Variants in ADGRA3 observed in about 807,000 individuals in gnomAD.
ADGRA3 encodes the protein G-protein coupled receptor 125.
In ADGRA3, 56 loss-of-function variants were observed where a neutral mutation model predicts 119.8. The observed-to-expected ratio is 0.47, with a 90% CI of 0.38 to 0.58. The LOEUF is 0.58. ADGRA3 is among the 20% of genes least tolerant of loss of function. ADGRA3 has a pLI of 0.00. For missense variants in ADGRA3, 1,516 were observed against 1,649.0 expected (o/e 0.92, Z 1.40); for synonymous variants, 607 against 623.8 (o/e 0.97, Z 0.40).
At position 22,390,373 on chromosome 4, in the gene ADGRA3, TATATATA is replaced by T. The variant is rs2108992139; in HGVS notation, c.2628-1197_2628-1191del. On this transcript the variant is annotated intron_variant, in intron 17 of 18. Transcript: ENST00000334304. Reference sequence around the variant, plus strand: ...TTATATATATATAATACGTATTATATATATATAATACGTATTATATATATATATAAAA... The same window carrying T: ...TTATATATATATAATACGTATTATATATACGTATTATATATATATATAAAA... 9.6e-5 allele frequency among the ~76,000 whole-genome samples: 3 copies of T among 31,304 alleles called. 1 individual carries two copies. The highest frequency in any genetic ancestry group is 1.5e-4 in the African/African-American group (3 of 20,294). 20.5% of individuals were successfully genotyped at this position (31,304 alleles called of 152,430 possible). A position where few individuals can be genotyped will look rare whatever the true frequency, so the allele number is the denominator to read the frequency against.
At chr4:22,469,555 C>A (rs2109114605) in intron 2 of ADGRA3, among the ~76,000 whole-genome samples, 1 of 152,300 alleles carries the variant, frequency 6.6e-6, no homozygotes, top group Admixed American at 6.5e-5. Context: ...GTAACTCTAG[C>A]CCAAACATAC....
intron 14 of ADGRA3, among the ~76,000 whole-genome samples, chr4:22,403,416 A>G (rs981159936): frequency 6.6e-6 from 1 of 152,010 alleles, no homozygotes; most frequent in African/African-American, 2.4e-5. Context: ...TTACGGCAGC[A>G]GAGAGGAAGA....
intron 7 of ADGRA3, among the ~76,000 whole-genome samples, chr4:22,441,347 C>A (rs563311844): frequency 6.6e-6 from 1 of 152,272 alleles, no homozygotes; most frequent in South Asian, 2.1e-4. Flanking sequence ...GCCAAGCTAA[C>A]TGCCTGACCA....
At position 22,403,400 on chromosome 4, in the gene ADGRA3, G is replaced by T. The variant is rs375851209; in HGVS notation, c.2233-601C>A. On this transcript the variant is annotated intron_variant, in intron 14 of 18. Transcript: ENST00000334304. ...ACAATGTTTGATGAAGATAAGTCAAGCACAATTACGGCAGCAGAGAGGAAG... is the reference window on the plus strand; with the variant it reads ...ACAATGTTTGATGAAGATAAGTCAATCACAATTACGGCAGCAGAGAGGAAG... Among the ~76,000 whole-genome samples the T allele has an allele frequency of 2.0e-3, 311 of 152,036 alleles. 3 individuals carry two copies. Among genetic ancestry groups the T allele is most frequent in the African/African-American group, 7.3e-3 (302 of 41,480 alleles).
rs1205798725 is a variant in ADGRA3, at chr4:22,516,061, G to GCCACTGCCT, written c.-278_-277insAGGCAGTGG. On this transcript the variant is annotated 5_prime_UTR_variant, in exon 1 of 19. Coordinates refer to ENST00000334304, the MANE Select transcript of ADGRA3 (RefSeq NM_145290.4). ...CTCCTCCTCTGCCGCCGCCGCCGCC[G>GCCACTGCCT]CCACTGCCTCCTCCCCTGGCCAGGA... 7.0e-5 allele frequency: 11 copies of GCCACTGCCT among 156,728 alleles called. No homozygotes were observed. Among genetic ancestry groups the GCCACTGCCT allele is most frequent in the African/African-American group, 2.4e-4 (10 of 41,052 alleles). 9.7% of individuals were successfully genotyped at this position (156,728 alleles called of 1,614,324 possible).
intron 5 of ADGRA3, among the ~76,000 whole-genome samples, chr4:22,446,908 GA>G (rs201005764): frequency 0.011 from 1,639 of 150,516 alleles, 16 homozygotes; most frequent in Non-Finnish European, 0.017. Context: ...AAAACTGGGG[GA>G]AAAAAAATCA....
chr4:22,417,861 A>G (rs1715490392), intron 12 of ADGRA3, among the ~76,000 whole-genome samples: 1 of 152,174 alleles, frequency 6.6e-6, no homozygotes, highest in African/African-American at 2.4e-5. Context: ...AAGCAAGAAG[A>G]TGCATAATGA....
At chr4:22,462,174 A>G (rs141300782) in intron 2 of ADGRA3, among the ~76,000 whole-genome samples, 37 of 152,326 alleles carry the variant, frequency 2.4e-4, no homozygotes, top group African/African-American at 8.9e-4. Flanking sequence ...TCTAATTACA[A>G]TTGTGACAAA....
intron 12 of ADGRA3, chr4:22,414,088 CATG>C (rs1050129116): frequency 9.8e-6 from 3 of 304,868 alleles, no homozygotes; most frequent in African/African-American, 4.4e-5. Context: ...TTAATTTTCC[CATG>C]ATATTATATG....
intron 1 of ADGRA3, among the ~76,000 whole-genome samples, chr4:22,486,402 A>G (rs926827590): frequency 2.0e-5 from 3 of 152,184 alleles, no homozygotes; most frequent in Non-Finnish European, 4.4e-5. Flanking sequence ...CCCGTCGTCC[A>G]GGGAAAGCTA....
chr4:22,474,185 T>C (rs934657757), intron 1 of ADGRA3, among the ~76,000 whole-genome samples: 2 of 152,216 alleles, frequency 1.3e-5, no homozygotes, highest in South Asian at 4.1e-4. Flanking sequence ...GCAAGTTGAA[T>C]ACACATTTTT....
intron 2 of ADGRA3, among the ~76,000 whole-genome samples, chr4:22,463,525 A>C (rs1450916766): frequency 6.6e-6 from 1 of 152,170 alleles, no homozygotes; most frequent in Non-Finnish European, 1.5e-5. Flanking sequence ...AGCAGCGGGC[A>C]TCCCTTCTCT....
At chr4:22,449,975 A>T (rs1716974555) in intron 4 of ADGRA3, among the ~76,000 whole-genome samples, 2 of 152,194 alleles carry the variant, frequency 1.3e-5, no homozygotes, top group Admixed American at 1.3e-4. Flanking sequence ...TCTTCTTAGT[A>T]AATCCCAACG....
chr4:22,461,580 G>A (rs977372055), intron 3 of ADGRA3, among the ~76,000 whole-genome samples, 157 bp downstream of exon 3: 7 of 152,208 alleles, frequency 4.6e-5, no homozygotes, highest in Non-Finnish European at 8.8e-5. Flanking sequence ...GAATACAGGC[G>A]TGAGCCACTG....
intron 3 of ADGRA3, among the ~76,000 whole-genome samples, chr4:22,455,302 T>G (rs1204339945): frequency 6.6e-6 from 1 of 152,200 alleles, no homozygotes; most frequent in Non-Finnish European, 1.5e-5. Context: ...GCTGGGGCAG[T>G]TGGAGAACTG....
Position 22,388,618 on chromosome 4 carries a change from G to T in ADGRA3, c.3053C>A (p.Ser1018Tyr). Residue 1018 changes from serine (S) to tyrosine (Y), a missense_variant, in exon 19 of 19, where the codon TCT becomes TAT. Physicochemically the swap from Ser to Tyr is moderately radical, Grantham distance 144 (BLOSUM62 -2). This residue lies in a region of ADGRA3 where 1,088 missense variants were observed against 1,107.1 expected (regional missense o/e 0.98). Coordinates refer to ENST00000334304, the MANE Select transcript of ADGRA3 (RefSeq NM_145290.4). Reference sequence around the variant, plus strand: ...AACCAAGTCCAAAGGGTAATACAAAGAAACAGCCAAAGCCCCAAACATCCA... The same window carrying T: ...AACCAAGTCCAAAGGGTAATACAAATAAACAGCCAAAGCCCCAAACATCCA... ...ALWMFGALAV[S>Y]LYYPLDLVFS... 6.2e-7 allele frequency: 1 copy of T among 1,614,032 alleles called. No individual in the cohort carries two copies. The highest frequency in any genetic ancestry group is 8.5e-7 in the Non-Finnish European group (1 of 1,179,992).
intron 1 of ADGRA3, among the ~76,000 whole-genome samples, chr4:22,511,991 G>GTCTCACTCTGTCACCCAGGCTGAA (rs1719466206): frequency 7.0e-6 from 1 of 142,982 alleles, no homozygotes; most frequent in African/African-American, 2.6e-5. Context: ...CCGCCTCCCG[G>GTCTCACTCTGTCACCCAGGCTGAA]GTTCAAGCGA....
At chr4:22,426,263 T>C (rs1252809982) in intron 10 of ADGRA3, among the ~76,000 whole-genome samples, 1 of 152,182 alleles carries the variant, frequency 6.6e-6, no homozygotes, top group Non-Finnish European at 1.5e-5. Context: ...AGCTTGATCC[T>C]ATTAAAATAA....
chr4:22,405,151 T>C (rs942686532), intron 14 of ADGRA3, among the ~76,000 whole-genome samples: 3 of 151,996 alleles, frequency 2.0e-5, no homozygotes, highest in African/African-American at 7.2e-5. Context: ...AAAGTAACAA[T>C]ATGGGGAGCT....
Sources: gnomAD v4.1 joint callset for allele counts (sites outside exome capture counted in the v4.1 genomes callset) on GRCh38, gnomAD v4.1.1 for gene constraint, gnomAD v4.1.1 regional missense constraint, MANE v1.5 for transcripts, NCBI Gene and HGNC (gene_info 2026-07-23, HGNC 2026-07-21) for gene names.